The following MUC6 variants were observed in gnomAD, a reference collection of about 807,000 sequenced individuals.
MUC6 encodes the protein mucin 6, oligomeric mucus/gel-forming (gene/pseudogene), also known as mucin-6.
In MUC6, 188 loss-of-function variants were observed where a neutral mutation model predicts 201.5. That is an observed-to-expected ratio of 0.93 (90% CI 0.83 to 1.05). The LOEUF (loss-of-function observed/expected upper bound fraction) is 1.05, where lower values mean the gene tolerates loss of function less well. MUC6 is among the 50% of genes least tolerant of loss of function. The pLI is 0.00. For missense variants in MUC6, 2,706 were observed against 3,256.9 expected (o/e 0.83, Z 4.12); for synonymous variants, 1,228 against 1,389.4 (o/e 0.88, Z 2.58).
intron 31 of MUC6, among the ~76,000 whole-genome samples, 168 bp from the exon 32 acceptor site, chr11:1,014,169 G>C (rs898986971): frequency 1.3e-5 from 2 of 152,228 alleles, no homozygotes; most frequent in African/African-American, 4.8e-5. Context: ...CATACACAAA[G>C]GCAAAGGCCA....
intron 22 of MUC6, 40 bp from the exon 23 acceptor site, chr11:1,025,407 C>G: frequency 6.3e-7 from 1 of 1,586,624 alleles, no homozygotes. Context: ...TGTCTGTCTC[C>G]CCCGGCCCCT....
Position 1,028,914 on chromosome 11 carries a change from T to C in MUC6, c.1428A>G (p.Glu476=). 3.7e-6 allele frequency: 6 copies of C among 1,612,918 alleles called. No individual in the cohort carries two copies. The highest frequency in any genetic ancestry group is 2.7e-5 in the African/African-American group (2 of 75,054). The change falls in exon 12 of 33, where the codon GAA becomes GAG. Residue 476 remains glutamate, a synonymous_variant. Transcript: ENST00000421673. ...SQDEVVTNNG[E]AKWLPYKTRN... is the part of the protein sequence containing the mutation. Reference sequence around the variant, plus strand: ...GAGTCTTGTATGGCAGCCACTTGGCTTCTCCGTTGTTGGTGACCACCTCGT... The same window carrying C: ...GAGTCTTGTATGGCAGCCACTTGGCCTCTCCGTTGTTGGTGACCACCTCGT...
intron 22 of MUC6, 40 bp downstream of exon 22, chr11:1,025,765 C>T (rs531545463): frequency 9.7e-6 from 15 of 1,549,998 alleles, no homozygotes; most frequent in Non-Finnish European, 9.7e-6. Context: ...GGGCCCCCTA[C>T]CGCCCGTCCT....
chr11:1,025,047 T>C lies in MUC6; in HGVS notation c.3022A>G (p.Asn1008Asp), dbSNP rs761422159. 2 of 1,612,818 alleles carry C rather than the reference T, an allele frequency of 1.2e-6. No homozygotes were observed. The change falls in exon 24 of 33, where the codon AAC (asparagine) becomes GAC (aspartate). Residue 1008 changes from asparagine to aspartate, a missense_variant. By Grantham distance (23) the Asn-to-Asp change is conservative. This residue lies in a region of MUC6 where 1,850 missense variants were observed against 1,958.3 expected (regional missense o/e 0.94). Coordinates refer to ENST00000421673, the MANE Select transcript of MUC6 (RefSeq NM_005961.3). ...CGCGTCTCGAAGTCGTCCTTCATGTTCCCGTTGAAGTTGCCACACAAGCCG... is the reference window on the plus strand; with the variant it reads ...CGCGTCTCGAAGTCGTCCTTCATGTCCCCGTTGAAGTTGCCACACAAGCCG... ...LCGLCGNFNG[N>D]MKDDFETRSR...
In MUC6 at chr11:1,016,400, C is replaced by G; in HGVS notation, c.6401G>C (p.Ser2134Thr). Residue 2134 changes from serine (S) to threonine (T), a missense_variant, in exon 31 of 33, where the codon AGT (serine) becomes ACT (threonine). By Grantham distance (58) the Ser-to-Thr change is moderately conservative. Transcript: ENST00000421673. ...AGAAACAGTAGAGGGGGCAGAAGGA[C>G]TGGGAGAAAATGAGGAGGACAGCTG... Reference protein sequence around the residue: ...TNQLSSSFSPSPSAPSTVSSY... With the variant: ...TNQLSSSFSPTPSAPSTVSSY... 1 of 1,613,456 alleles carries G rather than the reference C, an allele frequency of 6.2e-7. No homozygotes were observed. Among genetic ancestry groups the G allele is most frequent in the South Asian group, 1.1e-5 (1 of 91,054 alleles).
rs371792590 is a variant in MUC6 at position 1,031,246 on chromosome 11, C to T, written c.497G>A (p.Arg166Gln). 447 of 1,575,240 alleles carry T rather than the reference C, an allele frequency of 2.8e-4. No individual in the cohort carries two copies. Among genetic ancestry groups the T allele is most frequent in the Non-Finnish European group, 3.6e-4 (420 of 1,161,164 alleles). Reference sequence around the variant, plus strand: ...CCCGCACATCTGACCCATGTACTTCCGCTCCACCAGAACCTGCGGGAGACG... The same window carrying T: ...CCCGCACATCTGACCCATGTACTTCTGCTCCACCAGAACCTGCGGGAGACG... The part of the protein sequence containing the change: ...PDSHLMVLVE[R>Q]KYMGQMCGLC... The change falls in exon 5 of 33, where the codon CGG becomes CAG. Residue 166 changes from arginine to glutamine, a missense_variant. Physicochemically the swap from Arg to Gln is conservative, Grantham distance 43 (BLOSUM62 1). Coordinates refer to ENST00000421673, the MANE Select transcript of MUC6 (RefSeq NM_005961.3).
chr11:1,025,946 T>A, intron 21 of MUC6, 31 bp from the exon 22 acceptor site: 1 of 1,596,338 alleles, frequency 6.3e-7, no homozygotes, highest in Non-Finnish European at 8.5e-7. Flanking sequence ...GGAGGAGCCC[T>A]GGAGGCCGTG....
Position 1,016,262 on chromosome 11 carries a change from T to C in MUC6, c.6539A>G (p.His2180Arg), listed in dbSNP as rs1564831490. The C allele has an allele frequency of 1.2e-6, 2 of 1,612,114 alleles. No individual in the cohort carries two copies. The highest frequency in any genetic ancestry group is 1.7e-5 in the Admixed American group (1 of 59,844). ...CGTGGGATGAGTGGACAATGAGGAG[T>C]GTGACCCCGAGCTCAGGGTTGTGGA... is the stretch of plus-strand genomic sequence containing the variant. ...VHSTTLSSGS[H>R]SSLSTHPTTA... The change falls in exon 31 of 33, where the codon CAC (histidine) becomes CGC (arginine). Residue 2180 changes from histidine to arginine, a missense_variant. By Grantham distance (29) the His-to-Arg change is conservative. Transcript: ENST00000421673.
chr11:1,020,695 AGCTGCGGCGTGGTGGGTG>A lies in MUC6; in HGVS notation c.3611_3628del (p.Pro1204_Gln1209del), dbSNP rs750579282. On this transcript the variant is annotated inframe_deletion, in exon 28 of 33. Transcript: ENST00000421673. ...GTGCGTGCAATTACCTGTGGTGGGC[AGCTGCGGCGTGGTGGGTG>A]GCTGCGGCGTGGTGGGCGGCACTGC... 26 of 1,613,386 alleles carry A rather than the reference AGCTGCGGCGTGGTGGGTG, an allele frequency of 1.6e-5. No homozygotes were observed. The Admixed American group carries it at 2.2e-4, about 13-fold the overall frequency.
Position 1,025,911 on chromosome 11 carries a change from A to T in MUC6, c.2693T>A (p.Val898Asp). The T allele has an allele frequency of 6.2e-7, 1 of 1,610,074 alleles. No individual in the cohort carries two copies. Among genetic ancestry groups the T allele is most frequent in the Non-Finnish European group, 8.5e-7 (1 of 1,178,622 alleles). Residue 898 changes from valine to aspartate, a missense_variant, in exon 22 of 33, where the codon GTC (valine) becomes GAC (aspartate). This residue lies in a region of MUC6 where 1,850 missense variants were observed against 1,958.3 expected (regional missense o/e 0.94). Coordinates refer to ENST00000421673, the MANE Select transcript of MUC6 (RefSeq NM_005961.3). Reference protein sequence around the residue: ...GNCEYILATDVCGVNDSQPTF... With the variant: ...GNCEYILATDDCGVNDSQPTF... Reference sequence around the variant, plus strand: ...GGGCTGTGAGTCGTTGACACCACAGACGTCCTGCAGGGAGAGGGCGCTGAG... The same window carrying T: ...GGGCTGTGAGTCGTTGACACCACAGTCGTCCTGCAGGGAGAGGGCGCTGAG...
chr11:1,024,233 G>T, intron 24 of MUC6, 130 bp from the exon 25 acceptor site: 2 of 1,104,720 alleles, frequency 1.8e-6, no homozygotes, highest in Non-Finnish European at 2.6e-6. Context: ...TGGGTGAGCG[G>T]CACCACGTGG....
chr11:1,028,403 G>T lies in MUC6; in HGVS notation c.1592-16C>A, dbSNP rs370034972. 3 of 1,609,412 alleles carry T rather than the reference G, an allele frequency of 1.9e-6. No homozygotes were observed. The highest frequency in any genetic ancestry group is 1.7e-5 in the Admixed American group (1 of 59,922). On this transcript the variant is annotated splice_polypyrimidine_tract_variant and intron_variant, in intron 13 of 32. Coordinates refer to ENST00000421673, the MANE Select transcript of MUC6 (RefSeq NM_005961.3). The stretch of plus-strand genomic sequence containing the variant: ...CCGCAGAGCCCTGAGCCGGCGGGGC[G>T]TGAGCTCGACTTGAACCCATCCCTC...
intron 26 of MUC6, 57 bp from the exon 27 acceptor site, chr11:1,021,334 GTGTTTCC>G: frequency 8.1e-7 from 1 of 1,238,768 alleles, no homozygotes; most frequent in East Asian, 2.9e-5. Flanking sequence ...GCCCACCTGC[GTGTTTCC>G]TGCCCTGGCG....
rs1258741609 is a variant in MUC6 at position 1,033,925 on chromosome 11, A to G, written c.53-850T>C. Among the ~76,000 whole-genome samples the G allele has an allele frequency of 6.6e-6, 1 of 151,714 alleles. No individual in the cohort carries two copies. Among genetic ancestry groups the G allele is most frequent in the Non-Finnish European group, 1.5e-5 (1 of 67,914 alleles). The stretch of plus-strand genomic sequence containing the variant: ...GCCGGGACCCTCCTTGCCCCTGCCC[A>G]TTGGTTAGCAGGGCACTCACAGCAC... On this transcript the variant is annotated intron_variant, in intron 1 of 32. Transcript: ENST00000421673. The surrounding 1 kb of genome is among the most constrained non-coding windows in gnomAD (Gnocchi z 5.6).
At chr11:1,031,078 A>G in intron 5 of MUC6, 22 bp from the exon 6 acceptor site, 1 of 1,551,610 alleles carries the variant, frequency 6.4e-7, no homozygotes, top group Non-Finnish European at 8.7e-7. Context: ...AATGGGGGTC[A>G]GCACCGTGGG....
intron 22 of MUC6, 123 bp from the exon 23 acceptor site, chr11:1,025,490 C>T (rs1395844440): frequency 3.4e-6 from 4 of 1,175,812 alleles, no homozygotes; most frequent in Non-Finnish European, 3.6e-6. Context: ...ACAGGAGCGC[C>T]TGCTGAGAGC....
chr11:1,027,648 C>G, intron 16 of MUC6, 37 bp downstream of exon 16: 1 of 1,579,078 alleles, frequency 6.3e-7, no homozygotes, highest in Non-Finnish European at 8.6e-7. Flanking sequence ...TGAGCCCAGC[C>G]TGCCGTGACC....
At chr11:1,035,551 C>A (rs12798713) in intron 1 of MUC6, among the ~76,000 whole-genome samples, 1 of 146,224 alleles carries the variant, frequency 6.8e-6, no homozygotes, top group Admixed American at 6.8e-5. Context: ...GGGTGGTGCC[C>A]GGCGTGGTGG....
chr11:1,035,466 T>C (rs934097243), intron 1 of MUC6, among the ~76,000 whole-genome samples: 1 of 151,632 alleles, frequency 6.6e-6, no homozygotes, highest in African/African-American at 2.4e-5. Flanking sequence ...GACCCCCACA[T>C]CTCCCACGGT....
Sources: gnomAD v4.1 joint callset for allele counts (sites outside exome capture counted in the v4.1 genomes callset) on GRCh38, gnomAD v4.1.1 for gene constraint, gnomAD v4.1.1 regional missense constraint, Gnocchi (gnomAD v3.1) non-coding constraint, MANE v1.5 for transcripts, NCBI Gene and HGNC (gene_info 2026-07-23, HGNC 2026-07-21) for gene names.